Variants in TXNDC8 observed in about 807,000 individuals in gnomAD.
TXNDC8 encodes the protein thioredoxin domain-containing protein 8.
Under a neutral mutation model 12.9 loss-of-function variants are expected in TXNDC8, and 15 were observed. The observed-to-expected ratio is 1.16, with a 90% CI of 0.78 to 1.79. The LOEUF is 1.79. Ranked by LOEUF, TXNDC8 falls within the 40% of genes most tolerant of loss-of-function variation. The probability of loss-of-function intolerance (pLI) is 0.00; values close to 1 mark genes in which losing one functional copy is unlikely to be tolerated. For synonymous variants in TXNDC8, 40 were observed against 35.4 expected, an observed-to-expected ratio of 1.13 and a Z score of -0.46; for missense variants, 128 against 113.2, an observed-to-expected ratio of 1.13 and a Z score of -0.59.
intron 3 of TXNDC8, among the ~76,000 whole-genome samples, chr9:110,316,059 G>A (rs1179871187): frequency 6.6e-6 from 1 of 150,606 alleles, no homozygotes; most frequent in South Asian, 2.1e-4. Context: ...CACCACACTC[G>A]GCTAATTTTT....
chr9:110,305,147 C>CAAAAAA lies in TXNDC8; in HGVS notation c.196-621_196-616dup, dbSNP rs769344640. Reference sequence around the variant, plus strand: ...TGGGTGACAGAGAGAGATTCTGTCTCAAAAAAAAAAAAAAAAAAAAAAAGG... The same window carrying CAAAAAA: ...TGGGTGACAGAGAGAGATTCTGTCTCAAAAAAAAAAAAAAAAAAAAAAAAAAAAAGG... On this transcript the variant is annotated intron_variant, in intron 3 of 4. Coordinates refer to ENST00000423740, the MANE Select transcript of TXNDC8 (RefSeq NM_001286946.2). Among the ~76,000 whole-genome samples the CAAAAAA allele has an allele frequency of 2.3e-3, 133 of 57,094 alleles. 2 individuals carry two copies. Among genetic ancestry groups the CAAAAAA allele is most frequent in the Admixed American group, 3.0e-3 (13 of 4,372 alleles). 37.5% of individuals were successfully genotyped at this position (57,094 alleles called of 152,430 possible).
chr9:110,310,528 A>T (rs7871561), intron 3 of TXNDC8, among the ~76,000 whole-genome samples: 5,591 of 152,278 alleles, frequency 0.037, 324 homozygotes, highest in African/African-American at 0.13. Context: ...TTATGTATTT[A>T]TGTGTTATGT....
At position 110,303,693 on chromosome 9, in the gene TXNDC8, C is replaced by T. The variant is rs937069561; in HGVS notation, c.277G>A (p.Gly93Arg). ...TGAAAAGTTAAATCCTACTCATTTCCATCATCTGCAAGACACTTTAAATAT... is the reference window on the plus strand; with the variant it reads ...TGAAAAGTTAAATCCTACTCATTTCTATCATCTGCAAGACACTTTAAATAT... The change falls in exon 5 of 5, where the codon GGA becomes AGA. Residue 93 changes from glycine to arginine, a missense_variant. Transcript: ENST00000423740. 2 of 1,597,456 alleles carry T rather than the reference C, an allele frequency of 1.3e-6. No homozygotes were observed. The highest frequency in any genetic ancestry group is 1.7e-6 in the Non-Finnish European group (2 of 1,169,800).
At chr9:110,328,445 GTAAGATAT>G (rs1839423424) in intron 2 of TXNDC8, among the ~76,000 whole-genome samples, 1 of 151,978 alleles carries the variant, frequency 6.6e-6, no homozygotes, top group African/African-American at 2.4e-5. Context: ...CACAAAAAGC[GTAAGATAT>G]TGCAAGAGAA....
intron 3 of TXNDC8, chr9:110,323,391 A>C: frequency 1.1e-6 from 1 of 935,970 alleles, no homozygotes; most frequent in Non-Finnish European, 1.3e-6. Flanking sequence ...GAAGCTCATT[A>C]GTTAATGGTG....
chr9:110,322,866 C>T, intron 3 of TXNDC8: 1 of 985,408 alleles, frequency 1.0e-6, no homozygotes, highest in Non-Finnish European at 1.2e-6. Context: ...TGAGTATTTT[C>T]TATCCACTTG....
Position 110,303,563 on chromosome 9 carries a change from G to A in TXNDC8, c.*119C>T, listed in dbSNP as rs899865650. On this transcript the variant is annotated 3_prime_UTR_variant, in exon 5 of 5. Coordinates refer to ENST00000423740, the MANE Select transcript of TXNDC8 (RefSeq NM_001286946.2). ...TCTTGGCTTCCAATTTTTTAGCATC[G>A]GCTCCACAAAACTCAAAAATCTGTT... 1.4e-5 allele frequency: 22 copies of A among 1,534,370 alleles called. No homozygotes were observed. The highest frequency in any genetic ancestry group is 7.5e-5 in the East Asian group (3 of 40,160).
At chr9:110,335,970 T>C (rs1258504367) in intron 1 of TXNDC8, among the ~76,000 whole-genome samples, 1 of 152,114 alleles carries the variant, frequency 6.6e-6, no homozygotes, top group Non-Finnish European at 1.5e-5. Flanking sequence ...GGGAGGTAAA[T>C]GAATTATGGG....
chr9:110,326,977 T>TACAC (rs1293270860), intron 2 of TXNDC8, among the ~76,000 whole-genome samples: 4 of 45,112 alleles, frequency 8.9e-5, no homozygotes, highest in Non-Finnish European at 1.8e-4. Flanking sequence ...CACACACACG[T>TACAC]GAAGACATAC....
At chr9:110,337,152 C>A (rs1461202886) in intron 1 of TXNDC8, among the ~76,000 whole-genome samples, 1 of 152,078 alleles carries the variant, frequency 6.6e-6, no homozygotes, top group Admixed American at 6.6e-5. Context: ...AGGCTCAGGC[C>A]CCAAACCCCC....
At chr9:110,321,087 T>G (rs1407720067) in intron 3 of TXNDC8, among the ~76,000 whole-genome samples, 1 of 152,244 alleles carries the variant, frequency 6.6e-6, no homozygotes, top group African/African-American at 2.4e-5. Context: ...TTTGTTTGTT[T>G]TAGTTTTTTC....
intron 3 of TXNDC8, among the ~76,000 whole-genome samples, chr9:110,312,175 T>C (rs1838714465): frequency 6.6e-6 from 1 of 152,226 alleles, no homozygotes; most frequent in Non-Finnish European, 1.5e-5. Flanking sequence ...AATAATTTAG[T>C]ATACTCCTAT....
chr9:110,317,089 C>A (rs1838910626), intron 3 of TXNDC8, among the ~76,000 whole-genome samples: 1 of 152,176 alleles, frequency 6.6e-6, no homozygotes, highest in Non-Finnish European at 1.5e-5. Context: ...ATGTGGCTTT[C>A]TGTGGAAGGG....
At chr9:110,326,412 G>T (rs538226980) in intron 2 of TXNDC8, among the ~76,000 whole-genome samples, 172 bp from the exon 4 acceptor site, 50 of 152,300 alleles carry the variant, frequency 3.3e-4, no homozygotes, top group Non-Finnish European at 3.1e-4. Flanking sequence ...ATGTCACAAT[G>T]ATTGACATAA....
At chr9:110,310,858 A>G (rs1008022532) in intron 3 of TXNDC8, among the ~76,000 whole-genome samples, 8 of 152,252 alleles carry the variant, frequency 5.3e-5, no homozygotes, top group African/African-American at 1.7e-4. Flanking sequence ...CTATAAACCC[A>G]GCCCAAAACA....
downstream of TXNDC8, among the ~76,000 whole-genome samples, chr9:110,302,385 C>T (rs2118665235): frequency 6.6e-6 from 1 of 152,310 alleles, no homozygotes; most frequent in East Asian, 1.9e-4. Flanking sequence ...ATCCACCTGC[C>T]TTGACCTCCC....
intron 2 of TXNDC8, among the ~76,000 whole-genome samples, chr9:110,327,785 G>C (rs1488812983): frequency 6.6e-6 from 1 of 152,186 alleles, no homozygotes; most frequent in Non-Finnish European, 1.5e-5. Flanking sequence ...CTAGGATTGG[G>C]GGGTGGAGGA....
At chr9:110,327,217 T>G (rs1376395555) in intron 2 of TXNDC8, among the ~76,000 whole-genome samples, 1 of 152,150 alleles carries the variant, frequency 6.6e-6, no homozygotes, top group Non-Finnish European at 1.5e-5. Context: ...CTCAGAAAGT[T>G]AAACACAGAG....
At chr9:110,331,479 A>G (rs1182190949) in intron 2 of TXNDC8, among the ~76,000 whole-genome samples, 1 of 152,072 alleles carries the variant, frequency 6.6e-6, no homozygotes, top group Non-Finnish European at 1.5e-5. Context: ...AAGCCCATTC[A>G]CCCAGTCTTC....
Sources: gnomAD v4.1 joint callset for allele counts (sites outside exome capture counted in the v4.1 genomes callset) on GRCh38, gnomAD v4.1.1 for gene constraint, MANE v1.5 for transcripts, NCBI Gene and HGNC (gene_info 2026-07-23, HGNC 2026-07-21) for gene names.